Variants in VDR observed in about 807,000 individuals in gnomAD.
The protein encoded by VDR is vitamin D receptor, also known as vitamin D3 receptor.
VDR carries 19 observed loss-of-function variants against 39.7 expected under a neutral mutation model. The ratio of observed to expected loss-of-function variants is 0.48; its 90% CI spans 0.33 to 0.70. The LOEUF is 0.70. VDR is among the 30% of genes least tolerant of loss of function. The pLI is 0.02. For synonymous variants in VDR, 242 were observed against 215.8 expected, an observed-to-expected ratio of 1.12 and a Z score of -1.07; for missense variants, 442 against 570.5, an observed-to-expected ratio of 0.77 and a Z score of 2.29.
At position 47,890,539 on chromosome 12, in the gene VDR, G is replaced by C. The variant is rs575833631; in HGVS notation, c.-83-7765C>G. Among the ~76,000 whole-genome samples, 16 of 152,194 alleles carry C rather than the reference G, an allele frequency of 1.1e-4. No homozygotes were observed. In the South Asian group the frequency reaches 3.3e-3, roughly 32 times the overall value. On this transcript the variant is annotated intron_variant, in intron 1 of 9. Coordinates refer to ENST00000549336, the MANE Select transcript of VDR (RefSeq NM_000376.3). ...GAATGACTAGAGCCCCAAGGCAGTG[G>C]CCTGACTGCAGAAGAGCAGAGGACT... is the stretch of plus-strand genomic sequence containing the variant.
chr12:47,863,452 G>A (rs1424846167), intron 4 of VDR, among the ~76,000 whole-genome samples: 2 of 152,226 alleles, frequency 1.3e-5, no homozygotes, highest in Admixed American at 1.3e-4. Flanking sequence ...GTTAGCTGGA[G>A]CTTTAGAAAC....
chr12:47,841,554 T>C lies in VDR; in HGVS notation c.*3192A>G, dbSNP rs942074678. 6.6e-6 allele frequency: 1 copy of C among 152,396 alleles called. No homozygotes were observed. Among genetic ancestry groups the C allele is most frequent in the Non-Finnish European group, 1.5e-5 (1 of 68,042 alleles). 9.4% of individuals were successfully genotyped at this position (152,396 alleles called of 1,614,324 possible). A position where few individuals can be genotyped will look rare whatever the true frequency, so the allele number is the denominator to read the frequency against. On this transcript the variant is annotated 3_prime_UTR_variant, in exon 10 of 10. Transcript: ENST00000549336. ...AAGGCAAATTGGTTTGCATAAAGCA[T>C]TTATTTACAGCAGTACTTGCAACAA...
chr12:47,848,056 T>A (rs926539355), intron 7 of VDR, among the ~76,000 whole-genome samples: 1 of 152,178 alleles, frequency 6.6e-6, no homozygotes, highest in African/African-American at 2.4e-5. Context: ...CCCGCCACCA[T>A]GGCCAGCTAA....
At chr12:47,868,758 T>C (rs938703234) in intron 3 of VDR, among the ~76,000 whole-genome samples, 7 of 125,904 alleles carry the variant, frequency 5.6e-5, no homozygotes, top group Non-Finnish European at 1.2e-4. Context: ...GAAGAAACTC[T>C]CATTTCCTTT....
chr12:47,854,715 C>G (rs11574097), intron 7 of VDR, among the ~76,000 whole-genome samples: 2,324 of 152,380 alleles, frequency 0.015, 55 homozygotes, highest in African/African-American at 0.05. Context: ...GGGATCCTGG[C>G]TGGCCATTGG....
intron 4 of VDR, among the ~76,000 whole-genome samples, chr12:47,861,844 T>C (rs1945632389): frequency 6.6e-6 from 1 of 152,152 alleles, no homozygotes; most frequent in South Asian, 2.1e-4. Context: ...ATCTGCAACA[T>C]AAACAATTTG....
In VDR at chr12:47,879,140, G is replaced by A. The variant is rs202093166; in HGVS notation, c.-2-25C>T. The A allele has an allele frequency of 1.7e-4, 281 of 1,610,992 alleles. 2 individuals carry two copies. Among genetic ancestry groups the A allele is most frequent in the South Asian group, 1.4e-3 (130 of 90,942 alleles). On this transcript the variant is annotated intron_variant, in intron 2 of 9. Coordinates refer to ENST00000549336, the MANE Select transcript of VDR (RefSeq NM_000376.3). ...CCTGTAAGAACAGCAAGCAGGCCAC[G>A]GTCAGAGCCAGAGTCAGTGCCAGGG...
chr12:47,879,639 G>T (rs1054736181), intron 2 of VDR, among the ~76,000 whole-genome samples: 1 of 152,118 alleles, frequency 6.6e-6, no homozygotes, highest in Non-Finnish European at 1.5e-5. Context: ...AGGGTGGGGG[G>T]AATTGAGGAT....
Position 47,857,208 on chromosome 12 carries a change from G to A in VDR, c.504C>T (p.Ser168=), listed in dbSNP as rs1945508247. 1 of 1,614,180 alleles carries A rather than the reference G, an allele frequency of 6.2e-7. No individual in the cohort carries two copies. Among genetic ancestry groups the A allele is most frequent in the East Asian group, 2.2e-5 (1 of 44,876 alleles). The change falls in exon 6 of 10, where the codon TCC becomes TCT. Residue 168 remains serine (S), a synonymous_variant. Transcript: ENST00000549336. ...TGGGAGTGTGTCTGGAGTTGGGCCT[G>A]GAAGGATGGCTCCCTCCACCATCAT... ...RVNDGGGSHP[S]RPNSRHTPSF...
intron 1 of VDR, among the ~76,000 whole-genome samples, chr12:47,891,749 T>G (rs924785786): frequency 2.0e-5 from 3 of 152,180 alleles, no homozygotes; most frequent in African/African-American, 7.2e-5. Flanking sequence ...TCCCTTCTCA[T>G]CCAGTGTCAC....
At position 47,892,772 on chromosome 12, in the gene VDR, G is replaced by A. The variant is rs11574031; in HGVS notation, c.-83-9998C>T. Among the ~76,000 whole-genome samples, 206 of 152,282 alleles carry A rather than the reference G, an allele frequency of 1.4e-3. 1 individual carries two copies. The highest frequency in any genetic ancestry group is 4.8e-3 in the African/African-American group (198 of 41,558). On this transcript the variant is annotated intron_variant, in intron 1 of 9. Coordinates refer to ENST00000549336, the MANE Select transcript of VDR (RefSeq NM_000376.3). Reference sequence around the variant, plus strand: ...TCCAATTCAGTACGACACATCCTACGATCCAGGTAAGTGCCAGGTCTAGAG... The same window carrying A: ...TCCAATTCAGTACGACACATCCTACAATCCAGGTAAGTGCCAGGTCTAGAG...
Position 47,844,649 on chromosome 12 carries a change from C to CGGG in VDR, c.*94_*96dup. 1 of 1,544,232 alleles carries CGGG rather than the reference C, an allele frequency of 6.5e-7. No homozygotes were observed. Among genetic ancestry groups the CGGG allele is most frequent in the Non-Finnish European group, 8.9e-7 (1 of 1,129,912 alleles). Reference sequence around the variant, plus strand: ...GGCAGAGGAGGGGCTGAACCCCAGACGGGGTGAGGAGGGCTGCTGAGTAGC... The same window carrying CGGG: ...GGCAGAGGAGGGGCTGAACCCCAGACGGGGGGGTGAGGAGGGCTGCTGAGTAGC... On this transcript the variant is annotated 3_prime_UTR_variant, in exon 10 of 10. Coordinates refer to ENST00000549336, the MANE Select transcript of VDR (RefSeq NM_000376.3).
intron 3 of VDR, among the ~76,000 whole-genome samples, chr12:47,873,496 G>A (rs986980027): frequency 1.3e-5 from 2 of 150,092 alleles, no homozygotes; most frequent in Admixed American, 1.3e-4. Context: ...CGAGTAGCTG[G>A]GACTACAGGC....
intron 3 of VDR, among the ~76,000 whole-genome samples, chr12:47,869,265 G>C (rs558751969): frequency 2.0e-5 from 3 of 152,164 alleles, no homozygotes; most frequent in Admixed American, 2.0e-4. Context: ...GGCCGGGCGC[G>C]GTGGCTCACA....
At chr12:47,891,295 G>A (rs144447309) in intron 1 of VDR, among the ~76,000 whole-genome samples, 15 of 152,286 alleles carry the variant, frequency 9.8e-5, no homozygotes, top group East Asian at 7.7e-4. Context: ...GGGATCAAAC[G>A]AGCTGATCTC....
chr12:47,878,854 T>C (rs757637186), intron 3 of VDR, 114 bp downstream of exon 3: 3 of 1,555,818 alleles, frequency 1.9e-6, no homozygotes, highest in Non-Finnish European at 2.6e-6. Context: ...GCGCCGCATG[T>C]TCCATGGACA....
At chr12:47,899,096 G>A (rs973451226) in intron 1 of VDR, among the ~76,000 whole-genome samples, 1 of 152,214 alleles carries the variant, frequency 6.6e-6, no homozygotes, top group African/African-American at 2.4e-5. Context: ...AAGTTGCAGA[G>A]AAGCTAAGTA....
At chr12:47,852,045 G>A (rs7975128) in intron 7 of VDR, among the ~76,000 whole-genome samples, 52,071 of 152,090 alleles carry the variant, frequency 0.34, 9,425 homozygotes, top group South Asian at 0.45. Flanking sequence ...GGAGGGCAAT[G>A]GATAGGGGCC....
At chr12:47,885,781 C>G (rs971325902) in intron 1 of VDR, among the ~76,000 whole-genome samples, 5 of 152,242 alleles carry the variant, frequency 3.3e-5, no homozygotes, top group African/African-American at 1.2e-4. Flanking sequence ...ACTGCAGCCT[C>G]TAATTCCTGG....
Sources: gnomAD v4.1 joint callset for allele counts (sites outside exome capture counted in the v4.1 genomes callset) on GRCh38, gnomAD v4.1.1 for gene constraint, MANE v1.5 for transcripts, NCBI Gene and HGNC (gene_info 2026-07-23, HGNC 2026-07-21) for gene names.